The following UGT1A4 variants were observed in gnomAD, a reference collection of about 807,000 sequenced individuals.
The protein encoded by UGT1A4 is UDP-glucuronosyltransferase 1A4.
UGT1A4 carries 32 observed loss-of-function variants against 41.1 expected under a neutral mutation model. The observed-to-expected ratio is 0.78, with a 90% CI of 0.59 to 1.05. UGT1A4 has a LOEUF of 1.05. Ranked by LOEUF, UGT1A4 falls within the 50% of genes least tolerant of loss-of-function variation. The pLI is 0.00. For missense variants in UGT1A4, 748 were observed against 677.4 expected (o/e 1.10, Z -1.16); for synonymous variants, 283 against 265.1 (o/e 1.07, Z -0.66).
rs193257830 is a variant in UGT1A4, at chr2:233,736,992, G to T, written c.867+17305G>T. Among the ~76,000 whole-genome samples, 107 of 152,338 alleles carry T rather than the reference G, an allele frequency of 7.0e-4. 1 individual carries two copies. Among genetic ancestry groups the T allele is most frequent in the Non-Finnish European group, 1.1e-3 (75 of 68,030 alleles). Reference sequence around the variant, plus strand: ...TGTTTCCCAGTCAAGATACACAGAGGTCAGGGACCCGCTTGAGGAGGCAGT... The same window carrying T: ...TGTTTCCCAGTCAAGATACACAGAGTTCAGGGACCCGCTTGAGGAGGCAGT... On this transcript the variant is annotated intron_variant, in intron 1 of 4. Transcript: ENST00000373409.
chr2:233,749,047 T>C (rs561305390), intron 1 of UGT1A4, among the ~76,000 whole-genome samples: 1 of 151,806 alleles, frequency 6.6e-6, no homozygotes, highest in Non-Finnish European at 1.5e-5. Flanking sequence ...TGTGGTACTC[T>C]GGGACCTGAA....
intron 3 of UGT1A4, 63 bp downstream of exon 3, chr2:233,767,999 A>G: frequency 6.2e-7 from 1 of 1,614,190 alleles, no homozygotes; most frequent in Non-Finnish European, 8.5e-7. Context: ...TGGCTTAAGC[A>G]CAGCTATTCT....
intron 1 of UGT1A4, among the ~76,000 whole-genome samples, chr2:233,735,014 T>A (rs902605197): frequency 6.6e-6 from 1 of 152,232 alleles, no homozygotes; most frequent in Non-Finnish European, 1.5e-5. Flanking sequence ...GAGAGTTCTG[T>A]AGATGTCTAT....
intron 1 of UGT1A4, among the ~76,000 whole-genome samples, chr2:233,737,486 G>A (rs929571204): frequency 1.3e-5 from 2 of 152,176 alleles, no homozygotes; most frequent in African/African-American, 4.8e-5. Context: ...TCTAGGAAAG[G>A]GAAATCCCTC....
intron 1 of UGT1A4, chr2:233,729,375 G>C: frequency 6.2e-7 from 1 of 1,614,010 alleles, no homozygotes; most frequent in Non-Finnish European, 8.5e-7. Context: ...ATGCCATTTC[G>C]TGGACCCAGG....
rs577014868 is a variant in UGT1A4, at chr2:233,772,525, G to A, written c.1571G>A (p.Arg524Gln). 2.1e-5 allele frequency: 34 copies of A among 1,614,136 alleles called. 1 individual carries two copies. In the South Asian group the frequency reaches 2.9e-4, roughly 14 times the overall value. The stretch of plus-strand genomic sequence containing the variant: ...CGGAAATGCTTGGGGAAAAAAGGGC[G>A]AGTTAAGAAAGCCCACAAATCCAAG... ...GYRKCLGKKG[R>Q]VKKAHKSKTH The change falls in exon 5 of 5, where the codon CGA becomes CAA. Residue 524 changes from arginine (R) to glutamine (Q), a missense_variant. Transcript: ENST00000373409.
chr2:233,754,448 T>G (rs1695488368), intron 1 of UGT1A4: 3 of 350,316 alleles, frequency 8.6e-6, no homozygotes, highest in Non-Finnish European at 1.7e-5. Flanking sequence ...TATAAATTCT[T>G]GGGTACAGCT....
rs150749285 is a variant in UGT1A4 at position 233,754,499 on chromosome 2, C to T, written c.868-12535C>T. On this transcript the variant is annotated intron_variant, in intron 1 of 4. Coordinates refer to ENST00000373409, the MANE Select transcript of UGT1A4 (RefSeq NM_007120.3). ...TTCACTTTCAATCCTAAAAAAAGTCCGCTATTCCTCCAGATGTGCTTAAAG... is the reference window on the plus strand; with the variant it reads ...TTCACTTTCAATCCTAAAAAAAGTCTGCTATTCCTCCAGATGTGCTTAAAG... The T allele has an allele frequency of 2.1e-3, 765 of 355,996 alleles. 11 individuals carry two copies. Among genetic ancestry groups the T allele is most frequent in the African/African-American group, 0.015 (707 of 46,828 alleles). The allele number at this position is 355,996 out of a possible 1,614,324, so 22.1% of individuals were successfully genotyped here. A position where few individuals can be genotyped will look rare whatever the true frequency, so the allele number is the denominator to read the frequency against.
rs930932436 is a variant in UGT1A4 at position 233,769,919 on chromosome 2, G to A, written c.1307+1480G>A. The A allele has an allele frequency of 1.0e-5, 3 of 286,172 alleles. No individual in the cohort carries two copies. Among genetic ancestry groups the A allele is most frequent in the Non-Finnish European group, 1.3e-5 (2 of 153,080 alleles). 17.7% of individuals were successfully genotyped at this position (286,172 alleles called of 1,614,324 possible). A position where few individuals can be genotyped will look rare whatever the true frequency, so the allele number is the denominator to read the frequency against. Reference sequence around the variant, plus strand: ...GAGCATCATGTGCCCAGAGCGTTGGGTGGTGTGGTCCCATTCCTTCCTTCC... The same window carrying A: ...GAGCATCATGTGCCCAGAGCGTTGGATGGTGTGGTCCCATTCCTTCCTTCC... On this transcript the variant is annotated intron_variant, in intron 4 of 4. Coordinates refer to ENST00000373409, the MANE Select transcript of UGT1A4 (RefSeq NM_007120.3). This position sits in a 1 kb window ranked among gnomAD's most constrained non-coding sequence, Gnocchi z 4.4.
At chr2:233,725,400 G>A (rs1284897270) in intron 1 of UGT1A4, among the ~76,000 whole-genome samples, 1 of 151,356 alleles carries the variant, frequency 6.6e-6, no homozygotes, top group Non-Finnish European at 1.5e-5. Flanking sequence ...TACCTTGATG[G>A]TCTAATACAG....
At chr2:233,762,032 T>A (rs34562642) in intron 1 of UGT1A4, among the ~76,000 whole-genome samples, 31 of 152,346 alleles carry the variant, frequency 2.0e-4, no homozygotes, top group East Asian at 3.9e-4. Context: ...TTATTTTTTT[T>A]AATTTTCTGT....
chr2:233,747,956 T>G, intron 1 of UGT1A4: 1 of 1,613,440 alleles, frequency 6.2e-7, no homozygotes, highest in African/African-American at 1.3e-5. Flanking sequence ...TGGTGGATCT[T>G]CTCAGCCATG....
intron 3 of UGT1A4, 134 bp from the exon 4 acceptor site, chr2:233,768,086 A>C (rs1699559906): frequency 6.3e-7 from 1 of 1,591,310 alleles, no homozygotes; most frequent in Non-Finnish European, 8.6e-7. Context: ...ATCTCAACCC[A>C]CATTTTCTTC....
chr2:233,724,121 C>T (rs2077171215), intron 1 of UGT1A4, among the ~76,000 whole-genome samples: 1 of 117,216 alleles, frequency 8.5e-6, no homozygotes. Context: ...GCAGAGGCGC[C>T]CCTCACCTCC....
intron 1 of UGT1A4, chr2:233,754,349 G>A (rs1243169158): frequency 7.7e-6 from 2 of 260,182 alleles, no homozygotes; most frequent in African/African-American, 4.5e-5. Context: ...ATAGCAAATT[G>A]CATACAGATA....
At chr2:233,735,728 T>G (rs1486359906) in intron 1 of UGT1A4, among the ~76,000 whole-genome samples, 42 of 152,184 alleles carry the variant, frequency 2.8e-4, no homozygotes, top group Admixed American at 2.7e-3. Context: ...CTCTCAGCAT[T>G]TGCTTGTCTA....
At chr2:233,732,380 T>C (rs1265735798) in intron 1 of UGT1A4, among the ~76,000 whole-genome samples, 1 of 152,104 alleles carries the variant, frequency 6.6e-6, no homozygotes, top group Non-Finnish European at 1.5e-5. Context: ...CTATGTCTTC[T>C]AGGCCATGCC....
rs149750520 is a variant in UGT1A4, at chr2:233,767,884, T to C, written c.1035T>C (p.Asn345=). ...GGTACACTGGAACCCGACCATCGAA[T>C]CTTGCGAACAACACGATACTTGTTA... The part of the protein sequence containing the change: ...LWRYTGTRPS[N]LANNTILVKW... The change falls in exon 3 of 5, where the codon AAT becomes AAC. Residue 345 remains asparagine (N), a synonymous_variant. Coordinates refer to ENST00000373409, the MANE Select transcript of UGT1A4 (RefSeq NM_007120.3). The C allele has an allele frequency of 6.2e-7, 1 of 1,614,080 alleles. No homozygotes were observed. Among genetic ancestry groups the C allele is most frequent in the East Asian group, 2.2e-5 (1 of 44,900 alleles).
intron 2 of UGT1A4, 66 bp from the exon 3 acceptor site, chr2:233,767,783 T>C: frequency 6.2e-7 from 1 of 1,613,658 alleles, no homozygotes. Context: ...CTAGTTAGTA[T>C]AGCAGATTTG....
Sources: gnomAD v4.1 joint callset for allele counts (sites outside exome capture counted in the v4.1 genomes callset) on GRCh38, gnomAD v4.1.1 for gene constraint, Gnocchi (gnomAD v3.1) non-coding constraint, MANE v1.5 for transcripts, NCBI Gene and HGNC (gene_info 2026-07-23, HGNC 2026-07-21) for gene names.